AGBL1: variants seen among roughly 807,000 people sequenced by gnomAD.
The protein encoded by AGBL1 is cytosolic carboxypeptidase 4.
AGBL1 carries 130 observed loss-of-function variants against 118.9 expected under a neutral mutation model. That is an observed-to-expected ratio of 1.09 (90% CI 0.95 to 1.26). The LOEUF is 1.26. Ranked by LOEUF, AGBL1 falls within the 50% of genes most tolerant of loss-of-function variation. The pLI is 0.00. For missense variants in AGBL1, 1,584 were observed against 1,298.1 expected (o/e 1.22, Z -3.38); for synonymous variants, 555 against 478.9 (o/e 1.16, Z -2.08).
In AGBL1 at chr15:86,095,646, C is replaced by CTTTTTTTTTTTTTT. The variant is rs1896319963; in HGVS notation, c.51+15623_51+15624insTTTTTTTTTTTTTT. Among the ~76,000 whole-genome samples, 18 of 116,684 alleles carry CTTTTTTTTTTTTTT rather than the reference C, an allele frequency of 1.5e-4. 9 individuals are homozygous for CTTTTTTTTTTTTTT. The highest frequency in any genetic ancestry group is 1.9e-4 in the African/African-American group (6 of 31,940). The allele number at this position is 116,684 out of a possible 152,430, so 76.5% of individuals were successfully genotyped here. A position where few individuals can be genotyped will look rare whatever the true frequency, so the allele number is the denominator to read the frequency against. On this transcript the variant is annotated intron_variant, in intron 1 of 22. Transcript: ENST00000614907. ...TCATAATGTCACATGACCTTGGATA[C>CTTTTTTTTTTTTTT]CTTTTTTTTTTTTTTTTTTTTTTTT...
chr15:86,287,597 C>T (rs924644251), intron 16 of AGBL1, among the ~76,000 whole-genome samples: 1 of 152,164 alleles, frequency 6.6e-6, no homozygotes, highest in Non-Finnish European at 1.5e-5. Context: ...ATTGAAGAAA[C>T]TGTCCTTTCC....
chr15:86,155,952 C>T (rs2077184051), intron 4 of AGBL1, among the ~76,000 whole-genome samples: 1 of 151,958 alleles, frequency 6.6e-6, no homozygotes, highest in East Asian at 1.9e-4. Context: ...GATGAAGTCT[C>T]ACTCTTTTGC....
chr15:86,081,997 C>T (rs936283284), intron 1 of AGBL1, among the ~76,000 whole-genome samples: 2 of 152,124 alleles, frequency 1.3e-5, no homozygotes, highest in Admixed American at 1.3e-4. Context: ...CTACTTAGTT[C>T]CCAATTAAGC....
chr15:86,401,612 G>T (rs1370895293), intron 18 of AGBL1, among the ~76,000 whole-genome samples: 2 of 152,112 alleles, frequency 1.3e-5, no homozygotes, highest in Non-Finnish European at 2.9e-5. Context: ...GATCCATCTT[G>T]AGTTGATTTT....
chr15:86,530,071 T>A (rs1468555703), intron 19 of AGBL1, among the ~76,000 whole-genome samples: 1 of 129,550 alleles, frequency 7.7e-6, no homozygotes, highest in Non-Finnish European at 1.5e-5. Flanking sequence ...AATCACCAGC[T>A]AACATCATAA....
chr15:86,616,489 A>G lies in AGBL1; in HGVS notation c.2995-57784A>G, dbSNP rs139233671. 1.1e-4 allele frequency among the ~76,000 whole-genome samples: 16 copies of G among 152,284 alleles called. No homozygotes were observed. The East Asian group carries it at 2.1e-3, about 20-fold the overall frequency. Reference sequence around the variant, plus strand: ...TGATAAAATGGGAAAGGAGAAAAGAATGAGCAAGTAGAGGACACTGTCTTC... The same window carrying G: ...TGATAAAATGGGAAAGGAGAAAAGAGTGAGCAAGTAGAGGACACTGTCTTC... On this transcript the variant is annotated intron_variant, in intron 21 of 22. Coordinates refer to ENST00000614907, the MANE Select transcript of AGBL1 (RefSeq NM_001386094.1).
intron 24 of AGBL1, among the ~76,000 whole-genome samples, chr15:86,988,959 C>G (rs914113857): frequency 4.7e-5 from 7 of 149,628 alleles, no homozygotes; most frequent in African/African-American, 9.8e-5. Context: ...ATGATGATTG[C>G]CAATATACTT....
At chr15:86,590,413 G>A (rs1198547106) in intron 21 of AGBL1, among the ~76,000 whole-genome samples, 1 of 152,084 alleles carries the variant, frequency 6.6e-6, no homozygotes, top group East Asian at 1.9e-4. Flanking sequence ...CTTCACTCTT[G>A]TTCTTCTCTG....
chr15:86,124,246 C>T (rs2141589546), intron 1 of AGBL1, among the ~76,000 whole-genome samples: 1 of 149,762 alleles, frequency 6.7e-6, no homozygotes, highest in South Asian at 2.1e-4. Context: ...AGGAGAATTG[C>T]TTGAACCCAG....
At chr15:86,374,641 C>T (rs1317362124) in intron 17 of AGBL1, among the ~76,000 whole-genome samples, 1 of 152,226 alleles carries the variant, frequency 6.6e-6, no homozygotes, top group Admixed American at 6.5e-5. Context: ...ACACTTGCCT[C>T]ATGCATCTAT....
At chr15:86,649,842 T>A (rs991673409) in intron 21 of AGBL1, among the ~76,000 whole-genome samples, 15 of 152,142 alleles carry the variant, frequency 9.9e-5, no homozygotes, top group Non-Finnish European at 8.8e-5. Context: ...TTAATTTTTA[T>A]TTTTACTTTT....
rs2084689458 is a variant in AGBL1 at position 86,613,919 on chromosome 15, A to G, written c.2994+59382A>G. On this transcript the variant is annotated intron_variant, in intron 21 of 22. Coordinates refer to ENST00000614907, the MANE Select transcript of AGBL1 (RefSeq NM_001386094.1). The surrounding 1 kb of genome is among the most constrained non-coding windows in gnomAD (Gnocchi z 4.2). ...TAGGGATGTTATTCAAAGTAGTTCA[A>G]ATAATTAATGGATAGGTGGATTCCT... Among the ~76,000 whole-genome samples the G allele has an allele frequency of 6.6e-6, 1 of 152,204 alleles. No homozygotes were observed. The highest frequency in any genetic ancestry group is 2.4e-5 in the African/African-American group (1 of 41,458).
At chr15:86,399,936 T>C (rs1324737346) in intron 18 of AGBL1, among the ~76,000 whole-genome samples, 1 of 152,154 alleles carries the variant, frequency 6.6e-6, no homozygotes, top group Non-Finnish European at 1.5e-5. Flanking sequence ...ACCCAAACAA[T>C]TTTGGCTGAA....
In AGBL1 at chr15:86,279,734, A is replaced by G; in HGVS notation, c.2171A>G (p.Asp724Gly). 1.9e-6 allele frequency: 3 copies of G among 1,613,802 alleles called. No homozygotes were observed. Among genetic ancestry groups the G allele is most frequent in the Non-Finnish European group, 1.7e-6 (2 of 1,179,786 alleles). ...TFAVTFPHSE[D>G]VCYLAYHYPY... ...GCTGTCACCTTCCCACACAGTGAGG[A>G]TGTCTGCTACCTGGCCTACCACTAT... Residue 724 changes from aspartate (D) to glycine (G), a missense_variant, in exon 16 of 23, where the codon GAT (aspartate) becomes GGT (glycine). Asp to Gly is a moderately conservative substitution (Grantham distance 94). Transcript: ENST00000614907.
At chr15:86,885,936 G>A (rs1232236361) in intron 22 of AGBL1, among the ~76,000 whole-genome samples, 2 of 152,158 alleles carry the variant, frequency 1.3e-5, no homozygotes, top group Non-Finnish European at 2.9e-5. Flanking sequence ...TGTAACAATA[G>A]CAACACTAAA....
chr15:86,728,048 G>C (rs1255029736), intron 22 of AGBL1, among the ~76,000 whole-genome samples: 1 of 152,166 alleles, frequency 6.6e-6, no homozygotes, highest in African/African-American at 2.4e-5. Flanking sequence ...CTTACTTCTA[G>C]CATGTACAAT....
intron 18 of AGBL1, among the ~76,000 whole-genome samples, chr15:86,521,042 T>G (rs572110940): frequency 6.6e-6 from 1 of 152,128 alleles, no homozygotes; most frequent in Non-Finnish European, 1.5e-5. Context: ...GAATAAAAAA[T>G]GCCAGAGAGG....
Position 86,837,985 on chromosome 15 carries a change from C to T in AGBL1, c.3159-69102C>T, listed in dbSNP as rs76147612. 4.1e-3 allele frequency among the ~76,000 whole-genome samples: 628 copies of T among 152,288 alleles called. 4 individuals carry two copies. Among genetic ancestry groups the T allele is most frequent in the East Asian group, 0.03 (156 of 5,182 alleles). On this transcript the variant is annotated intron_variant, in intron 22 of 22. Coordinates refer to ENST00000614907, the MANE Select transcript of AGBL1 (RefSeq NM_001386094.1). Reference sequence around the variant, plus strand: ...GAACACTGCCATCTTCATGATGAATCGTTTCCTCCATTGAATTGCAATTAC... The same window carrying T: ...GAACACTGCCATCTTCATGATGAATTGTTTCCTCCATTGAATTGCAATTAC...
At chr15:86,397,259 T>A in intron 17 of AGBL1, 107 bp from the exon 18 acceptor site, 1 of 804,636 alleles carries the variant, frequency 1.2e-6, no homozygotes, top group Non-Finnish European at 1.8e-6. Context: ...GAAAATGTAT[T>A]TTTAATAAAA....
Sources: gnomAD v4.1 joint callset for allele counts (sites outside exome capture counted in the v4.1 genomes callset) on GRCh38, gnomAD v4.1.1 for gene constraint, Gnocchi (gnomAD v3.1) non-coding constraint, MANE v1.5 for transcripts, NCBI Gene and HGNC (gene_info 2026-07-23, HGNC 2026-07-21) for gene names.